The following IQCM variants were observed in gnomAD, a reference collection of about 807,000 sequenced individuals.
IQCM encodes the protein IQ motif containing M, also known as IQ domain-containing protein M.
A neutral mutation model predicts 57.6 loss-of-function variants in IQCM; 45 were observed. The ratio of observed to expected loss-of-function variants is 0.78; its 90% CI spans 0.62 to 1.00. IQCM has a LOEUF of 1.00. Ranked by LOEUF, IQCM falls within the 50% of genes least tolerant of loss-of-function variation. IQCM has a pLI of 0.00. For synonymous variants in IQCM, 148 were observed against 158.9 expected (o/e 0.93, Z 0.51); for missense variants, 468 against 511.6 (o/e 0.91, Z 0.82).
intron 7 of IQCM, among the ~76,000 whole-genome samples, chr4:149,669,307 G>A (rs181973051): frequency 6.6e-6 from 1 of 152,048 alleles, no homozygotes; most frequent in Non-Finnish European, 1.5e-5. Context: ...CATATCCTTT[G>A]CCCACTTTTT....
intron 8 of IQCM, among the ~76,000 whole-genome samples, chr4:149,598,094 T>G (rs887975302): frequency 6.6e-6 from 1 of 152,148 alleles, no homozygotes; most frequent in African/African-American, 2.4e-5. Flanking sequence ...CATTATCAAT[T>G]GAAGTATTTT....
chr4:149,484,709 G>A (rs1301167230), intron 12 of IQCM, among the ~76,000 whole-genome samples: 1 of 151,888 alleles, frequency 6.6e-6, no homozygotes, highest in African/African-American at 2.4e-5. Flanking sequence ...TCATCATTTG[G>A]TATTTCTACT....
At chr4:149,552,232 A>G (rs1044693393) in intron 11 of IQCM, among the ~76,000 whole-genome samples, 1 of 152,214 alleles carries the variant, frequency 6.6e-6, no homozygotes, top group Non-Finnish European at 1.5e-5. Context: ...GGCATTTGCT[A>G]GATAGTGAGT....
At chr4:149,680,742 T>TG (rs1324841678) in intron 7 of IQCM, among the ~76,000 whole-genome samples, 7 of 151,590 alleles carry the variant, frequency 4.6e-5, no homozygotes, top group Non-Finnish European at 7.4e-5. Context: ...ACTTATCACA[T>TG]GGGTGACTAC....
chr4:149,760,239 A>C (rs535306738), intron 2 of IQCM, among the ~76,000 whole-genome samples: 1 of 152,260 alleles, frequency 6.6e-6, no homozygotes, highest in Non-Finnish European at 1.5e-5. Flanking sequence ...AGGAAAAAAG[A>C]CCACAAAGAA....
intron 12 of IQCM, among the ~76,000 whole-genome samples, chr4:149,484,981 GT>G (rs1560900377): frequency 6.6e-6 from 1 of 152,018 alleles, no homozygotes; most frequent in Non-Finnish European, 1.5e-5. Context: ...TAGGGTAAAA[GT>G]TTTTTGTTTC....
At chr4:149,510,350 T>C (rs1157246737) in intron 12 of IQCM, among the ~76,000 whole-genome samples, 1 of 152,212 alleles carries the variant, frequency 6.6e-6, no homozygotes, top group Non-Finnish European at 1.5e-5. Flanking sequence ...TTAAAGAATC[T>C]TTGTGTGGTA....
intron 7 of IQCM, among the ~76,000 whole-genome samples, chr4:149,660,168 G>A (rs1484939931): frequency 2.6e-5 from 4 of 151,408 alleles, no homozygotes; most frequent in East Asian, 3.9e-4. Flanking sequence ...AAAAGTGGGT[G>A]AAGGATATGA....
At chr4:149,642,549 T>G (rs1016738734) in intron 7 of IQCM, among the ~76,000 whole-genome samples, 5 of 152,166 alleles carry the variant, frequency 3.3e-5, no homozygotes, top group Admixed American at 6.5e-5. Context: ...TCCCAACTGT[T>G]ATTGCCTTCA....
At chr4:149,392,132 T>C (rs1439115381) in intron 13 of IQCM, among the ~76,000 whole-genome samples, 1 of 151,792 alleles carries the variant, frequency 6.6e-6, no homozygotes, top group Admixed American at 6.6e-5. Flanking sequence ...TCAGTTTTTT[T>C]TTTTTTCACA....
At chr4:149,781,638 T>C (rs1366729261) in intron 2 of IQCM, among the ~76,000 whole-genome samples, 3 of 152,196 alleles carry the variant, frequency 2.0e-5, no homozygotes, top group Non-Finnish European at 2.9e-5. Context: ...TAATCATAGG[T>C]ACATATAGGA....
At chr4:149,794,836 T>C (rs983773634) in intron 2 of IQCM, among the ~76,000 whole-genome samples, 2 of 152,078 alleles carry the variant, frequency 1.3e-5, no homozygotes, top group Non-Finnish European at 2.9e-5. Flanking sequence ...TGGTAAATAA[T>C]ATTCAGAATA....
intron 5 of IQCM, among the ~76,000 whole-genome samples, chr4:149,726,130 A>G (rs183302058): frequency 1.4e-3 from 210 of 148,360 alleles, no homozygotes; most frequent in Middle Eastern, 3.4e-3. Context: ...AAAGAAAGAA[A>G]GAAAGAAAGA....
Position 149,774,446 on chromosome 4 carries a change from G to A in IQCM, c.-48-31707C>T, listed in dbSNP as rs752312847. Among the ~76,000 whole-genome samples, 8 of 152,026 alleles carry A rather than the reference G, an allele frequency of 5.3e-5. No individual in the cohort carries two copies. The South Asian group carries it at 6.2e-4, about 12-fold the overall frequency. On this transcript the variant is annotated intron_variant, in intron 2 of 13. Coordinates refer to ENST00000636793, the MANE Select transcript of IQCM (RefSeq NM_001363507.2). ...AAAAAACAATATTCACATGTTCCTC[G>A]CGACATGGCTGCCCCCACATATCCC...
intron 13 of IQCM, among the ~76,000 whole-genome samples, chr4:149,411,181 T>C (rs1733360607): frequency 6.6e-6 from 1 of 152,140 alleles, no homozygotes; most frequent in African/African-American, 2.4e-5. Flanking sequence ...ATACTTCACT[T>C]TCAATAGTAT....
At chr4:149,546,125 A>G (rs946154382) in intron 12 of IQCM, among the ~76,000 whole-genome samples, 3 of 152,170 alleles carry the variant, frequency 2.0e-5, no homozygotes, top group Non-Finnish European at 4.4e-5. Flanking sequence ...AGCTTCAACC[A>G]TGTCCCTACA....
At chr4:149,531,044 T>C (rs1447482858) in intron 12 of IQCM, among the ~76,000 whole-genome samples, 2 of 152,114 alleles carry the variant, frequency 1.3e-5, no homozygotes, top group African/African-American at 4.8e-5. Flanking sequence ...CTTCCATACT[T>C]CATGTATATA....
At chr4:149,532,789 G>T (rs1408792749) in intron 12 of IQCM, among the ~76,000 whole-genome samples, 1 of 152,120 alleles carries the variant, frequency 6.6e-6, no homozygotes, top group Non-Finnish European at 1.5e-5. Context: ...AACATGCAAG[G>T]TATGGCCCCT....
chr4:149,512,637 T>C (rs948762167), intron 12 of IQCM, among the ~76,000 whole-genome samples: 1 of 152,198 alleles, frequency 6.6e-6, no homozygotes, highest in Non-Finnish European at 1.5e-5. Flanking sequence ...CCAAGCATAT[T>C]TGTGACTTAT....
Sources: gnomAD v4.1 joint callset for allele counts (sites outside exome capture counted in the v4.1 genomes callset) on GRCh38, gnomAD v4.1.1 for gene constraint, MANE v1.5 for transcripts, NCBI Gene and HGNC (gene_info 2026-07-23, HGNC 2026-07-21) for gene names.